Variants in PPP1R12A observed in about 807,000 individuals in gnomAD.
PPP1R12A encodes the protein protein phosphatase 1 regulatory subunit 12A.
PPP1R12A carries 19 observed loss-of-function variants against 139.6 expected under a neutral mutation model. The observed-to-expected ratio is 0.14, with a 90% CI of 0.09 to 0.20. PPP1R12A has a LOEUF of 0.20. PPP1R12A is among the 10% of genes least tolerant of loss of function. PPP1R12A has a pLI of 1.00. For synonymous variants in PPP1R12A, 427 were observed against 420.6 expected (o/e 1.02, Z -0.19); for missense variants, 925 against 1,211.5 (o/e 0.76, Z 3.51).
At chr12:79,842,370 T>A (rs1002733235) in intron 3 of PPP1R12A, among the ~76,000 whole-genome samples, 10 of 152,082 alleles carry the variant, frequency 6.6e-5, no homozygotes, top group Admixed American at 3.3e-4. Flanking sequence ...GGAATAAAAA[T>A]CTCCTTTCAT....
chr12:79,879,504 A>T (rs1359947906), intron 1 of PPP1R12A, among the ~76,000 whole-genome samples: 1 of 152,192 alleles, frequency 6.6e-6, no homozygotes, highest in Non-Finnish European at 1.5e-5. Flanking sequence ...AGAAAGGGAG[A>T]TCCTATTCAC....
chr12:79,890,919 A>C (rs1884569160), intron 1 of PPP1R12A, among the ~76,000 whole-genome samples: 2 of 148,016 alleles, frequency 1.4e-5, no homozygotes, highest in African/African-American at 4.9e-5. Context: ...ACACACACAC[A>C]CACACACACA....
At chr12:79,900,852 C>T (rs971802307) in intron 1 of PPP1R12A, among the ~76,000 whole-genome samples, 5 of 152,110 alleles carry the variant, frequency 3.3e-5, no homozygotes, top group African/African-American at 1.2e-4. Flanking sequence ...TCTGGGTATC[C>T]ATGCACCAAA....
In PPP1R12A at chr12:79,917,416, C is replaced by T. The variant is rs549432037; in HGVS notation, c.237+17279G>A. Among the ~76,000 whole-genome samples, 5 of 138,206 alleles carry T rather than the reference C, an allele frequency of 3.6e-5. No homozygotes were observed. In the East Asian group the frequency reaches 1.1e-3, roughly 31 times the overall value. 90.7% of individuals were successfully genotyped at this position (138,206 alleles called of 152,430 possible). A position where few individuals can be genotyped will look rare whatever the true frequency, so the allele number is the denominator to read the frequency against. On this transcript the variant is annotated intron_variant, in intron 1 of 24. Transcript: ENST00000450142. The stretch of plus-strand genomic sequence containing the variant: ...AGGAGAATTGCTTGAACCTGGGAAG[C>T]GGAGGTTGCAGTGAGCCGAGATCGT...
chr12:79,817,131 T>A (rs564635501), intron 9 of PPP1R12A, among the ~76,000 whole-genome samples: 1 of 152,270 alleles, frequency 6.6e-6, no homozygotes, highest in South Asian at 2.1e-4. Flanking sequence ...TTTATCTTTC[T>A]GCCATTTATT....
chr12:79,776,925 C>A (rs1338064777), intron 24 of PPP1R12A, among the ~76,000 whole-genome samples: 1 of 152,064 alleles, frequency 6.6e-6, no homozygotes, highest in Non-Finnish European at 1.5e-5. Flanking sequence ...AAAAGTAAAA[C>A]TTCTATTTGC....
intron 3 of PPP1R12A, among the ~76,000 whole-genome samples, chr12:79,842,270 T>C (rs1317390039): frequency 1.3e-5 from 2 of 152,122 alleles, no homozygotes; most frequent in African/African-American, 4.8e-5. Flanking sequence ...TAGTGAGCCA[T>C]GATTGTGTCA....
intron 1 of PPP1R12A, among the ~76,000 whole-genome samples, chr12:79,919,242 C>T (rs988193946): frequency 2.6e-5 from 4 of 151,966 alleles, no homozygotes; most frequent in African/African-American, 9.7e-5. Flanking sequence ...CGCTGAGCAG[C>T]TCAAACATCA....
intron 2 of PPP1R12A, among the ~76,000 whole-genome samples, chr12:79,871,828 T>A (rs377058278): frequency 2.2e-4 from 33 of 152,288 alleles, no homozygotes; most frequent in African/African-American, 7.7e-4. Context: ...ATTGTTAGGT[T>A]TGAACAACCA....
Position 79,832,435 on chromosome 12 carries a change from T to C in PPP1R12A, c.544A>G (p.Arg182Gly), listed in dbSNP as rs763237263. Residue 182 changes from arginine (R) to glycine (G), a missense_variant, in exon 4 of 25, where the codon AGG (arginine) becomes GGG (glycine). Physicochemically the swap from Arg to Gly is moderately radical, Grantham distance 125. Around this residue, in one of 4 missense-constraint regions of PPP1R12A, gnomAD observed 199 missense variants for 352.4 expected, o/e 0.56. Transcript: ENST00000450142. ...ATATGACCACTATTTAGCCACTGCC[T>C]GGCATCTCTAAGCATGATCCGTTCT... ...EEERIMLRDA[R>G]QWLNSGHIND... 6.2e-7 allele frequency: 1 copy of C among 1,613,596 alleles called. No individual in the cohort carries two copies. Among genetic ancestry groups the C allele is most frequent in the East Asian group, 2.2e-5 (1 of 44,820 alleles).
At chr12:79,797,063 A>C (rs1872580933) in intron 16 of PPP1R12A, 113 bp from the exon 17 acceptor site, 2 of 1,373,052 alleles carry the variant, frequency 1.5e-6, no homozygotes, top group East Asian at 4.7e-5. Context: ...CGCCAAAGTA[A>C]TTCAAATTTC....
intron 1 of PPP1R12A, among the ~76,000 whole-genome samples, chr12:79,874,227 T>A (rs1390459161): frequency 4.0e-5 from 6 of 151,276 alleles, no homozygotes; most frequent in African/African-American, 1.5e-4. Flanking sequence ...TGAGCCAAGA[T>A]TGCACCATTG....
At position 79,854,980 on chromosome 12, in the gene PPP1R12A, A is replaced by AATT. The variant is rs568597394; in HGVS notation, c.369-9563_369-9561dup. ...TGGCCATTGTGCCCAACCAAGTAAC[A>AATT]ATTATTATTATTATTATTATTATTT... On this transcript the variant is annotated intron_variant, in intron 2 of 24. Transcript: ENST00000450142. Among the ~76,000 whole-genome samples the AATT allele has an allele frequency of 9.2e-3, 1,389 of 151,404 alleles. 15 individuals are homozygous for AATT. Among genetic ancestry groups the AATT allele is most frequent in the African/African-American group, 0.028 (1,155 of 41,280 alleles).
intron 4 of PPP1R12A, among the ~76,000 whole-genome samples, chr12:79,829,994 G>T (rs1158710197): frequency 3.3e-5 from 5 of 152,024 alleles, no homozygotes; most frequent in African/African-American, 1.2e-4. Flanking sequence ...GGAGTTGTGT[G>T]TGTTTGGGAG....
At position 79,856,713 on chromosome 12, in the gene PPP1R12A, C is replaced by T. The variant is rs139960367; in HGVS notation, c.369-11293G>A. Among the ~76,000 whole-genome samples, 22 of 152,342 alleles carry T rather than the reference C, an allele frequency of 1.4e-4. No individual in the cohort carries two copies. In the East Asian group the frequency reaches 3.9e-3, roughly 27 times the overall value. On this transcript the variant is annotated intron_variant, in intron 2 of 24. Transcript: ENST00000450142. ...TTAAAAAACAACCATCCTTTTAGGGCACTGCCATTGAGTCTTTCCAAAGTA... is the reference window on the plus strand; with the variant it reads ...TTAAAAAACAACCATCCTTTTAGGGTACTGCCATTGAGTCTTTCCAAAGTA...
chr12:79,780,577 A>T (rs1454770686), intron 23 of PPP1R12A: 1 of 152,184 alleles, frequency 6.6e-6, no homozygotes, highest in Non-Finnish European at 1.5e-5. Context: ...AAGAAAAATT[A>T]AATATTTAAA....
intron 1 of PPP1R12A, among the ~76,000 whole-genome samples, chr12:79,879,622 GGCAGGTACAAAAGGATACATACT>G (rs1422591594): frequency 2.0e-5 from 3 of 152,032 alleles, no homozygotes; most frequent in Non-Finnish European, 4.4e-5. Flanking sequence ...GAGTAAAGAA[GGCAGGTACAAAAGGATACATACT>G]GCAGGTCTCC....
chr12:79,890,302 T>C (rs1884472545), intron 1 of PPP1R12A, among the ~76,000 whole-genome samples: 1 of 152,164 alleles, frequency 6.6e-6, no homozygotes, highest in South Asian at 2.1e-4. Context: ...GTAGAAATAG[T>C]AACATGGCTA....
At chr12:79,831,373 A>G (rs1345096789) in intron 4 of PPP1R12A, among the ~76,000 whole-genome samples, 1 of 152,160 alleles carries the variant, frequency 6.6e-6, no homozygotes, top group East Asian at 1.9e-4. Context: ...ACTTGAGCCC[A>G]GGAGTTCAAG....
Sources: gnomAD v4.1 joint callset for allele counts (sites outside exome capture counted in the v4.1 genomes callset) on GRCh38, gnomAD v4.1.1 for gene constraint, gnomAD v4.1.1 regional missense constraint, MANE v1.5 for transcripts, NCBI Gene and HGNC (gene_info 2026-07-23, HGNC 2026-07-21) for gene names.